Variants in ANGPT4 observed in about 807,000 individuals in gnomAD.
The protein encoded by ANGPT4 is angiopoietin 4.
A neutral mutation model predicts 53.0 loss-of-function variants in ANGPT4; 50 were observed. The observed-to-expected ratio is 0.94, with a 90% CI of 0.75 to 1.20. ANGPT4 has a LOEUF of 1.20. ANGPT4 is among the 50% of genes most tolerant of loss of function. The pLI is 0.00. For synonymous variants in ANGPT4, 251 were observed against 259.7 expected (o/e 0.97, Z 0.32); for missense variants, 648 against 637.1 (o/e 1.02, Z -0.18).
Position 916,109 on chromosome 20 carries a change from G to C in ANGPT4, c.106C>G (p.Leu36Val). The change falls in exon 1 of 9, where the codon CTT becomes GTT. Residue 36 changes from leucine (L) to valine (V), a missense_variant. Physicochemically the swap from Leu to Val is conservative, Grantham distance 32 (BLOSUM62 1). Coordinates refer to ENST00000381922, the MANE Select transcript of ANGPT4 (RefSeq NM_015985.4). ...RQEADRGCET[L>V]VVQHGHCSYT... ...CTACAGTGGCCGTGCTGGACTACAA[G>C]TGTCTCGCAGCCCCTATCCGCCTCC... The C allele has an allele frequency of 6.2e-7, 1 of 1,614,206 alleles. No individual in the cohort carries two copies. The highest frequency in any genetic ancestry group is 1.1e-5 in the South Asian group (1 of 91,088).
intron 3 of ANGPT4, among the ~76,000 whole-genome samples, chr20:887,037 TACACAAGAAACTAGGAACAGTG>T (rs1568835342): frequency 1.3e-5 from 2 of 152,184 alleles, no homozygotes; most frequent in African/African-American, 4.8e-5. Context: ...AATGGAAGGA[TACACAAGAAACTAGGAACAGTG>T]GCTACCTCTG....
At chr20:875,036 CT>C (rs1491558179) in intron 7 of ANGPT4, among the ~76,000 whole-genome samples, 1 of 103,442 alleles carries the variant, frequency 9.7e-6, no homozygotes, top group Non-Finnish European at 2.2e-5. Flanking sequence ...CTTTTTCTTT[CT>C]TTTTTTTCTA....
At chr20:880,178 G>T (rs1043660901) in intron 5 of ANGPT4, among the ~76,000 whole-genome samples, 1 of 152,176 alleles carries the variant, frequency 6.6e-6, no homozygotes, top group Non-Finnish European at 1.5e-5. Context: ...TTAGAACAGT[G>T]CCTGGCAGTA....
intron 1 of ANGPT4, among the ~76,000 whole-genome samples, chr20:897,030 C>A (rs1348886397): frequency 1.3e-5 from 2 of 152,102 alleles, no homozygotes; most frequent in Non-Finnish European, 2.9e-5. Context: ...CTCCGTAGCT[C>A]CCCACCAAGC....
At chr20:898,948 A>G (rs1243412115) in intron 1 of ANGPT4, among the ~76,000 whole-genome samples, 1 of 152,112 alleles carries the variant, frequency 6.6e-6, no homozygotes, top group Non-Finnish European at 1.5e-5. Flanking sequence ...CCACACCCAG[A>G]GCCCCTGGAA....
At chr20:890,445 A>C in intron 1 of ANGPT4, 77 bp from the exon 2 acceptor site, 1 of 1,414,858 alleles carries the variant, frequency 7.1e-7, no homozygotes, top group South Asian at 1.3e-5. Context: ...TCACCATGGG[A>C]GGGCACTGAG....
chr20:896,270 T>C (rs1212312484), intron 1 of ANGPT4, among the ~76,000 whole-genome samples: 1 of 152,224 alleles, frequency 6.6e-6, no homozygotes, highest in Non-Finnish European at 1.5e-5. Flanking sequence ...AAGTTTCTGA[T>C]TCCAGGGCAC....
At position 916,049 on chromosome 20, in the gene ANGPT4, G is replaced by A. The variant is rs1600070531; in HGVS notation, c.166C>T (p.Pro56Ser). ...TCCCTGGAGACCTCAGGCCCCGGAGGGCAGGGCTCAGACTTGGGCAGCAAG... is the reference window on the plus strand; with the variant it reads ...TCCCTGGAGACCTCAGGCCCCGGAGAGCAGGGCTCAGACTTGGGCAGCAAG... Reference protein sequence around the residue: ...TFLLPKSEPCPPGPEVSRDSN... With the variant: ...TFLLPKSEPCSPGPEVSRDSN... The change falls in exon 1 of 9, where the codon CCT becomes TCT. Residue 56 changes from proline to serine, a missense_variant. By Grantham distance (74) the Pro-to-Ser change is moderately conservative. Transcript: ENST00000381922. 1 of 1,614,148 alleles carries A rather than the reference G, an allele frequency of 6.2e-7. No homozygotes were observed. Among genetic ancestry groups the A allele is most frequent in the African/African-American group, 1.3e-5 (1 of 75,032 alleles).
chr20:884,182 C>G (rs1981517413), intron 4 of ANGPT4, among the ~76,000 whole-genome samples: 2 of 152,246 alleles, frequency 1.3e-5, no homozygotes, highest in Non-Finnish European at 2.9e-5. Context: ...GCCTCCCATG[C>G]CCCCTGCTAG....
chr20:883,239 T>C (rs1201313296), intron 4 of ANGPT4, among the ~76,000 whole-genome samples: 4 of 152,250 alleles, frequency 2.6e-5, no homozygotes, highest in Non-Finnish European at 5.9e-5. Flanking sequence ...CCCTTCCTCC[T>C]ACACATCTTC....
intron 1 of ANGPT4, among the ~76,000 whole-genome samples, chr20:901,453 C>T (rs1982285305): frequency 6.6e-6 from 1 of 152,184 alleles, no homozygotes; most frequent in South Asian, 2.1e-4. Flanking sequence ...TTTCCATTAC[C>T]TACCCAAATC....
At chr20:896,233 G>A (rs1982045356) in intron 1 of ANGPT4, among the ~76,000 whole-genome samples, 2 of 152,200 alleles carry the variant, frequency 1.3e-5, no homozygotes, top group African/African-American at 4.8e-5. Context: ...TTAGGTATTA[G>A]ATAATCAGAA....
intron 1 of ANGPT4, among the ~76,000 whole-genome samples, chr20:892,835 C>T (rs1981902066): frequency 6.6e-6 from 1 of 152,140 alleles, no homozygotes; most frequent in African/African-American, 2.4e-5. Flanking sequence ...CGCAGTTCCC[C>T]CCTTCGCTCT....
At chr20:875,778 G>A (rs916724388) in intron 7 of ANGPT4, among the ~76,000 whole-genome samples, 3 of 152,134 alleles carry the variant, frequency 2.0e-5, no homozygotes, top group Admixed American at 1.3e-4. Flanking sequence ...TGTATGGCAG[G>A]GTTGGGGGAG....
rs1024952660 is a variant in ANGPT4, at chr20:908,199, C to A, written c.309+7707G>T. ...ACAGGACAGAAAAGTGGCCACATCT[C>A]TTCCCAGTCTCCATGGTCCTCCACG... On this transcript the variant is annotated intron_variant, in intron 1 of 8. Coordinates refer to ENST00000381922, the MANE Select transcript of ANGPT4 (RefSeq NM_015985.4). The surrounding 1 kb of genome is among the most constrained non-coding windows in gnomAD (Gnocchi z 4.9). 3.3e-5 allele frequency among the ~76,000 whole-genome samples: 5 copies of A among 152,152 alleles called. No individual in the cohort carries two copies. In the South Asian group the frequency reaches 1.0e-3, roughly 32 times the overall value.
At chr20:899,180 T>A (rs145480607) in intron 1 of ANGPT4, among the ~76,000 whole-genome samples, 2,026 of 152,238 alleles carry the variant, frequency 0.013, 19 homozygotes, top group Non-Finnish European at 0.021. Context: ...CCTCCATAAC[T>A]GTTGCGGGTA....
At chr20:907,407 T>G (rs1982515864) in intron 1 of ANGPT4, among the ~76,000 whole-genome samples, 1 of 152,176 alleles carries the variant, frequency 6.6e-6, no homozygotes, top group East Asian at 1.9e-4. Context: ...CCAGGGTCCC[T>G]GCCTCCTCAG....
At chr20:910,614 C>T (rs764089359) in intron 1 of ANGPT4, among the ~76,000 whole-genome samples, 10 of 152,100 alleles carry the variant, frequency 6.6e-5, no homozygotes, top group Non-Finnish European at 1.3e-4. Context: ...AGACCTGGGG[C>T]CCGTTTTCTA....
chr20:883,900 T>C (rs1352388287), intron 4 of ANGPT4, among the ~76,000 whole-genome samples: 1 of 152,192 alleles, frequency 6.6e-6, no homozygotes, highest in Non-Finnish European at 1.5e-5. Flanking sequence ...AGGTGTCTAC[T>C]TTTCCTACCT....
Sources: allele counts gnomAD v4.1 joint callset (sites outside exome capture counted in the v4.1 genomes callset), GRCh38; gene constraint gnomAD v4.1.1; non-coding constraint Gnocchi (gnomAD v3.1); transcripts MANE v1.5; gene names NCBI Gene and HGNC (gene_info 2026-07-23, HGNC 2026-07-21).